The following HIVEP3 variants were observed in gnomAD, a reference collection of about 807,000 sequenced individuals.
HIVEP3 encodes the protein transcription factor HIVEP3.
HIVEP3 carries 49 observed loss-of-function variants against 152.8 expected under a neutral mutation model. That is an observed-to-expected ratio of 0.32 (90% CI 0.26 to 0.41). The LOEUF is 0.41. HIVEP3 is among the 10% of genes least tolerant of loss of function. The pLI is 1.00. For missense variants in HIVEP3, 2,790 were observed against 3,103.3 expected, an observed-to-expected ratio of 0.90 and a Z score of 2.40; for synonymous variants, 1,269 against 1,289.0, an observed-to-expected ratio of 0.98 and a Z score of 0.33.
At position 41,954,095 on chromosome 1, in the gene HIVEP3, A is replaced by G. The variant is rs536747691; in HGVS notation, n.120-35571T>C. Among the ~76,000 whole-genome samples the G allele has an allele frequency of 3.9e-5, 6 of 152,308 alleles. 1 individual carries two copies. The South Asian group carries it at 1.2e-3, about 32-fold the overall frequency. ...AAAGGACTGCGCAGGGCCCACCCGC[A>G]AGGTTCCAGGACATGGAATAGAAGA... On this transcript the variant is annotated intron_variant and non_coding_transcript_variant, in intron 1 of 3. Coordinates refer to the HIVEP3 transcript ENST00000489103.
rs77082667 is a variant in HIVEP3, at chr1:42,031,718, A to C, written n.119+4089T>G. Among the ~76,000 whole-genome samples, 1,081 of 152,260 alleles carry C rather than the reference A, an allele frequency of 7.1e-3. 14 individuals are homozygous for C. The highest frequency in any genetic ancestry group is 0.025 in the African/African-American group (1,042 of 41,522). On this transcript the variant is annotated intron_variant and non_coding_transcript_variant, in intron 1 of 3. Coordinates refer to the HIVEP3 transcript ENST00000489103. ...CAATATTGTCCTGGCCCCACCCCCCAAAAAATGAGATTATACAGTTTTTTT... is the reference window on the plus strand; with the variant it reads ...CAATATTGTCCTGGCCCCACCCCCCCAAAAATGAGATTATACAGTTTTTTT...
intron 1 of HIVEP3, among the ~76,000 whole-genome samples, chr1:41,867,172 G>A (rs1047201089): frequency 5.3e-5 from 8 of 152,112 alleles, no homozygotes; most frequent in African/African-American, 1.9e-4. Flanking sequence ...GTTCTGCAGT[G>A]GGCATTTCTA....
In HIVEP3 at chr1:41,882,431, T is replaced by G. The variant is rs529021205; in HGVS notation, c.-801+35982A>C. Among the ~76,000 whole-genome samples, 3 of 152,260 alleles carry G rather than the reference T, an allele frequency of 2.0e-5. No homozygotes were observed. The South Asian group carries it at 6.2e-4, about 32-fold the overall frequency. ...CCTGCATGGGACAGGAGTTTCAAAA[T>G]CCCAGCACTAGACAGAAGGCTGTGG... is the stretch of plus-strand genomic sequence containing the variant. On this transcript the variant is annotated intron_variant, in intron 1 of 8. Coordinates refer to ENST00000372583, the MANE Select transcript of HIVEP3 (RefSeq NM_024503.5).
chr1:41,620,519 C>CA (rs966244957), intron 3 of HIVEP3, among the ~76,000 whole-genome samples: 4 of 152,162 alleles, frequency 2.6e-5, no homozygotes, highest in Non-Finnish European at 5.9e-5. Context: ...TGCCTGTACT[C>CA]AGTCCTCAAG....
chr1:41,753,265 C>A (rs768250380), intron 1 of HIVEP3, among the ~76,000 whole-genome samples: 1 of 152,114 alleles, frequency 6.6e-6, no homozygotes, highest in Non-Finnish European at 1.5e-5. Flanking sequence ...TCCCCTTGAC[C>A]TAGCAATTCA....
At chr1:41,618,973 GTCACA>G (rs1303585574) in intron 3 of HIVEP3, among the ~76,000 whole-genome samples, 1 of 152,200 alleles carries the variant, frequency 6.6e-6, no homozygotes, top group Non-Finnish European at 1.5e-5. Context: ...CTCCTGATCT[GTCACA>G]TCACTGCCTC....
chr1:41,525,796 T>C (rs1330897942), intron 5 of HIVEP3, among the ~76,000 whole-genome samples: 1 of 152,144 alleles, frequency 6.6e-6, no homozygotes, highest in Non-Finnish European at 1.5e-5. Context: ...GATGAAGCTG[T>C]CTTGTTGGTC....
intron 1 of HIVEP3, among the ~76,000 whole-genome samples, chr1:41,702,095 G>T (rs1170017965): frequency 6.6e-6 from 1 of 152,130 alleles, no homozygotes; most frequent in African/African-American, 2.4e-5. Context: ...TTGGAAAGTT[G>T]TTACGAGGAG....
At chr1:41,888,374 T>A (rs563932420) in intron 1 of HIVEP3, among the ~76,000 whole-genome samples, 1 of 151,846 alleles carries the variant, frequency 6.6e-6, no homozygotes, top group African/African-American at 2.4e-5. Flanking sequence ...TTTTAAACAG[T>A]CTTTACTAAG....
intron 3 of HIVEP3, 64 bp downstream of exon 3, chr1:41,628,685 C>T (rs1645151238): frequency 1.8e-6 from 2 of 1,127,916 alleles, no homozygotes; most frequent in African/African-American, 1.6e-5. Flanking sequence ...ACTAAGCAAG[C>T]TCATGCAAGA....
intron 1 of HIVEP3, among the ~76,000 whole-genome samples, chr1:41,846,275 A>G (rs1339465151): frequency 6.6e-6 from 1 of 152,218 alleles, no homozygotes; most frequent in Non-Finnish European, 1.5e-5. Context: ...TACTTTTACA[A>G]TGAAATATTT....
chr1:41,767,241 A>T (rs1648069971), intron 1 of HIVEP3, among the ~76,000 whole-genome samples: 1 of 152,184 alleles, frequency 6.6e-6, no homozygotes. Context: ...TTTTATACTC[A>T]GTTCCACTCA....
upstream of HIVEP3, among the ~76,000 whole-genome samples, chr1:41,920,283 G>C (rs138930371): frequency 5.6e-4 from 86 of 152,246 alleles, no homozygotes; most frequent in African/African-American, 2.0e-3. Flanking sequence ...GGCCACCACA[G>C]ACCTGAGCCC....
chr1:41,975,074 C>G (rs1366345781), intron 1 of HIVEP3, among the ~76,000 whole-genome samples: 1 of 152,152 alleles, frequency 6.6e-6, no homozygotes, highest in Non-Finnish European at 1.5e-5. Flanking sequence ...CCTACTGGCA[C>G]AGGGATGCAA....
At position 41,826,461 on chromosome 1, in the gene HIVEP3, T is replaced by C. The variant is rs527668483; in HGVS notation, c.-801+91952A>G. 1.3e-3 allele frequency among the ~76,000 whole-genome samples: 202 copies of C among 152,330 alleles called. 2 individuals carry two copies. In the South Asian group the frequency reaches 0.014, roughly 11 times the overall value. On this transcript the variant is annotated intron_variant, in intron 1 of 8. Coordinates refer to ENST00000372583, the MANE Select transcript of HIVEP3 (RefSeq NM_024503.5). ...GAGTTTTTGCTCTTATTGCCCAGGC[T>C]GGAGTGCAATGGCACAATCTCAGCT...
intron 1 of HIVEP3, among the ~76,000 whole-genome samples, chr1:41,785,216 C>T (rs1030407087): frequency 1.3e-5 from 2 of 152,162 alleles, no homozygotes; most frequent in African/African-American, 4.8e-5. Flanking sequence ...GGGATCTGTT[C>T]TCTTTTCTCT....
chr1:41,974,087 C>T (rs12095882), intron 1 of HIVEP3, among the ~76,000 whole-genome samples: 2,292 of 152,132 alleles, frequency 0.015, 56 homozygotes, highest in African/African-American at 0.053. Context: ...GATTCTTAGG[C>T]TGGAAGAGAG....
At chr1:41,799,233 C>CT (rs1417507523) in intron 1 of HIVEP3, among the ~76,000 whole-genome samples, 1 of 152,196 alleles carries the variant, frequency 6.6e-6, no homozygotes, top group Non-Finnish European at 1.5e-5. Context: ...AAATATAATC[C>CT]TAACTCCTCA....
intron 1 of HIVEP3, among the ~76,000 whole-genome samples, chr1:41,860,942 G>T (rs1427968749): frequency 2.6e-5 from 4 of 152,238 alleles, no homozygotes; most frequent in African/African-American, 9.6e-5. Context: ...TCTTCCAGGA[G>T]GGAGGTGGAA....
Sources: allele counts gnomAD v4.1 joint callset (sites outside exome capture counted in the v4.1 genomes callset), GRCh38; gene constraint gnomAD v4.1.1; transcripts MANE v1.5; gene names NCBI Gene and HGNC (gene_info 2026-07-23, HGNC 2026-07-21).